Variants in EDA observed in about 807,000 individuals in gnomAD.
EDA encodes the protein ectodysplasin-A.
Under a neutral mutation model 23.6 loss-of-function variants are expected in EDA, and 2 were observed. The ratio of observed to expected loss-of-function variants is 0.08; its 90% CI spans 0.03 to 0.27. The LOEUF is 0.27. Ranked by LOEUF, EDA falls within the 10% of genes least tolerant of loss-of-function variation. The pLI is 1.00. For missense variants in EDA, 229 were observed against 324.2 expected (o/e 0.71, Z 2.26); for synonymous variants, 131 against 132.0 (o/e 0.99, Z 0.05).
At chrX:69,849,159 T>C (rs2017074273) in intron 1 of EDA, among the ~76,000 whole-genome samples, 1 of 106,825 alleles carries the variant, frequency 9.4e-6, no homozygotes, top group African/African-American at 3.4e-5. Context: ...TCCTTTTTGG[T>C]AGTGGAGTTC....
At chrX:70,009,277 C>G (rs1368061761) in intron 2 of EDA, among the ~76,000 whole-genome samples, 3 of 111,017 alleles carry the variant, frequency 2.7e-5, no homozygotes, top group African/African-American at 9.8e-5. Context: ...TATTTTTGCT[C>G]TCATTTTTAT....
intron 1 of EDA, among the ~76,000 whole-genome samples, chrX:69,929,704 TTTTG>T (rs745353865): frequency 0.021 from 1,330 of 64,351 alleles, 19 homozygotes; most frequent in Admixed American, 0.054. Context: ...TTCATTCTAT[TTTTG>T]TGTGTGTGTG....
chrX:69,826,823 T>C (rs2016452366), intron 1 of EDA, among the ~76,000 whole-genome samples: 1 of 111,772 alleles, frequency 8.9e-6, no homozygotes, highest in Non-Finnish European at 1.9e-5. Flanking sequence ...GGCATGATTT[T>C]GCAGTGGCTG....
chrX:69,666,828 G>A (rs1305304895), intron 1 of EDA, among the ~76,000 whole-genome samples: 1 of 111,964 alleles, frequency 8.9e-6, no homozygotes, highest in Non-Finnish European at 1.9e-5. Context: ...AAGTATTCCT[G>A]CTAGCTCTGT....
chrX:69,649,828 C>T (rs1325596180), intron 1 of EDA, among the ~76,000 whole-genome samples: 1 of 111,521 alleles, frequency 9.0e-6, no homozygotes, highest in East Asian at 2.8e-4. Flanking sequence ...CTCAGGTGAT[C>T]TGCCTACCTC....
chrX:69,943,189 A>C (rs1457884785), intron 1 of EDA, among the ~76,000 whole-genome samples: 3 of 111,713 alleles, frequency 2.7e-5, no homozygotes, highest in Non-Finnish European at 5.6e-5. Flanking sequence ...AGGATTGGTC[A>C]CCAATGCCTT....
At position 69,987,363 on chromosome X, in the gene EDA, A is replaced by T. The variant is rs2019516272; in HGVS notation, c.502+30231A>T. 4.6e-5 allele frequency among the ~76,000 whole-genome samples: 5 copies of T among 109,372 alleles called. No individual in the cohort carries two copies. The Admixed American group carries it at 4.8e-4, about 11-fold the overall frequency. The allele number at this position is 109,372 out of a possible 115,157, so 95.0% of individuals were successfully genotyped here. A position where few individuals can be genotyped will look rare whatever the true frequency, so the allele number is the denominator to read the frequency against. ...AAACAGAGTGACTTCCATTTCCACCAAGGTGGAGAAACCCCATTCCTCCTA... is the reference window on the plus strand; with the variant it reads ...AAACAGAGTGACTTCCATTTCCACCTAGGTGGAGAAACCCCATTCCTCCTA... On this transcript the variant is annotated intron_variant, in intron 2 of 7. Coordinates refer to ENST00000374552, the MANE Select transcript of EDA (RefSeq NM_001399.5).
chrX:69,942,083 C>A (rs1254112688), intron 1 of EDA, among the ~76,000 whole-genome samples: 1 of 111,815 alleles, frequency 8.9e-6, no homozygotes, highest in Non-Finnish European at 1.9e-5. Context: ...ACACTCTACA[C>A]TTTAACTTCA....
chrX:69,882,762 G>A (rs2017768115), intron 1 of EDA, among the ~76,000 whole-genome samples: 1 of 111,355 alleles, frequency 9.0e-6, no homozygotes, highest in East Asian at 2.8e-4. Flanking sequence ...GAGTGCAATG[G>A]CGCTATCTCA....
At chrX:70,022,899 C>T in intron 2 of EDA, 2 of 154,717 alleles carry the variant, frequency 1.3e-5, no homozygotes, top group Non-Finnish European at 2.6e-5. Flanking sequence ...TAATGGAATG[C>T]TGTCCTAAGG....
chrX:69,753,024 C>T (rs1427466664), intron 1 of EDA, among the ~76,000 whole-genome samples: 3 of 111,333 alleles, frequency 2.7e-5, no homozygotes, highest in Admixed American at 9.5e-5. Flanking sequence ...TTTCAAAAAA[C>T]CAGCTCCTGG....
Position 69,978,282 on chromosome X carries a change from G to C in EDA, c.502+21150G>C, listed in dbSNP as rs1044061942. Reference sequence around the variant, plus strand: ...AAGGATTGCCTGAGTTCAGGAGTTCGAGACCAGCCTGGCCAATGTAGTGAA... The same window carrying C: ...AAGGATTGCCTGAGTTCAGGAGTTCCAGACCAGCCTGGCCAATGTAGTGAA... On this transcript the variant is annotated intron_variant, in intron 2 of 7. Transcript: ENST00000374552. 3.6e-5 allele frequency among the ~76,000 whole-genome samples: 3 copies of C among 84,409 alleles called. No homozygotes were observed. The Admixed American group carries it at 4.6e-4, about 13-fold the overall frequency. 73.3% of individuals were successfully genotyped at this position (84,409 alleles called of 115,157 possible). A position where few individuals can be genotyped will look rare whatever the true frequency, so the allele number is the denominator to read the frequency against.
chrX:69,772,239 C>T (rs1002830865), intron 1 of EDA, among the ~76,000 whole-genome samples: 3 of 111,872 alleles, frequency 2.7e-5, no homozygotes, highest in Non-Finnish European at 3.8e-5. Context: ...GGATTACAGA[C>T]GTGAGCTACT....
At chrX:70,009,715 T>G (rs2019850150) in intron 2 of EDA, among the ~76,000 whole-genome samples, 1 of 111,261 alleles carries the variant, frequency 9.0e-6, no homozygotes, top group South Asian at 3.8e-4. Flanking sequence ...GCCTCCAGAG[T>G]AGCTGGGATT....
intron 1 of EDA, among the ~76,000 whole-genome samples, chrX:69,903,423 C>T (rs1295409569): frequency 9.0e-6 from 1 of 111,132 alleles, no homozygotes; most frequent in Non-Finnish European, 1.9e-5. Context: ...AGATGCTGAA[C>T]CCAGTCTGAA....
intron 2 of EDA, among the ~76,000 whole-genome samples, chrX:70,014,371 T>C (rs1021230835): frequency 2.7e-5 from 3 of 112,885 alleles, no homozygotes; most frequent in Non-Finnish European, 5.6e-5. Flanking sequence ...AGAGTTCAGC[T>C]ACAAATGAAG....
At chrX:69,869,721 A>C (rs1410045941) in intron 1 of EDA, among the ~76,000 whole-genome samples, 4 of 112,241 alleles carry the variant, frequency 3.6e-5, no homozygotes, top group African/African-American at 1.3e-4. Flanking sequence ...TCCACTAGTC[A>C]GACTATTCTG....
chrX:69,853,561 A>C (rs1183416195), intron 1 of EDA, among the ~76,000 whole-genome samples: 2 of 112,294 alleles, frequency 1.8e-5, no homozygotes, highest in Non-Finnish European at 3.8e-5. Context: ...GTTAAATTAA[A>C]AATCGTAATC....
chrX:69,771,723 A>G (rs772992980), intron 1 of EDA, among the ~76,000 whole-genome samples: 1 of 112,182 alleles, frequency 8.9e-6, no homozygotes, highest in African/African-American at 3.2e-5. Flanking sequence ...GCATATTTTT[A>G]TGTGTTCATT....
Sources: allele counts gnomAD v4.1 joint callset (sites outside exome capture counted in the v4.1 genomes callset), GRCh38; gene constraint gnomAD v4.1.1; transcripts MANE v1.5; gene names NCBI Gene and HGNC (gene_info 2026-07-23, HGNC 2026-07-21).